GAPDH: variants seen among roughly 807,000 people sequenced by gnomAD.
GAPDH encodes glyceraldehyde-3-phosphate dehydrogenase, also known as OCAS, p38 component.
Under a neutral mutation model 31.2 loss-of-function variants are expected in GAPDH, and 13 were observed. That is an observed-to-expected ratio of 0.42 (90% CI 0.27 to 0.66). GAPDH has a LOEUF of 0.66. GAPDH is among the 30% of genes least tolerant of loss of function. The probability of loss-of-function intolerance (pLI) is 0.26; values close to 1 mark genes in which losing one functional copy is unlikely to be tolerated. For synonymous variants in GAPDH, 211 were observed against 166.9 expected (o/e 1.26, Z -2.04); for missense variants, 300 against 443.7 (o/e 0.68, Z 2.91).
At position 6,537,777 on chromosome 12, in the gene GAPDH, T is replaced by C; in HGVS notation, c.719T>C (p.Val240Ala). 6.2e-7 allele frequency: 1 copy of C among 1,611,828 alleles called. No individual in the cohort carries two copies. Residue 240 changes from valine (V) to alanine (A), a missense_variant, in exon 8 of 9, where the codon GTG (valine) becomes GCG (alanine). Coordinates refer to ENST00000229239, the MANE Select transcript of GAPDH (RefSeq NM_002046.7). This position sits in a 1 kb window ranked among gnomAD's most constrained non-coding sequence, Gnocchi z 4.9. ...GMAFRVPTANVSVVDLTCRLE... is the reference protein window; with the variant it reads ...GMAFRVPTANASVVDLTCRLE... ...GCCTTCCGTGTCCCCACTGCCAACGTGTCAGTGGTGGACCTGACCTGCCGT... is the reference window on the plus strand; with the variant it reads ...GCCTTCCGTGTCCCCACTGCCAACGCGTCAGTGGTGGACCTGACCTGCCGT...
rs1473113978 is a variant in GAPDH, at chr12:6,534,874, G to A, written c.29+13G>A. ...TCGGAGTCAACGGGTGAGTTCGCGG[G>A]TGGCTGGGGGGCCCTGGGCTGCGAC... On this transcript the variant is annotated intron_variant, in intron 2 of 8. Transcript: ENST00000229239. The A allele has an allele frequency of 1.2e-6, 2 of 1,612,670 alleles. No individual in the cohort carries two copies. Among genetic ancestry groups the A allele is most frequent in the East Asian group, 2.2e-5 (1 of 44,782 alleles).
In GAPDH at chr12:6,536,672, G is replaced by A. The variant is rs371258879; in HGVS notation, c.130-12G>A. 55 of 1,609,148 alleles carry A rather than the reference G, an allele frequency of 3.4e-5. No individual in the cohort carries two copies. The East Asian group carries it at 4.3e-4, about 12-fold the overall frequency. The stretch of plus-strand genomic sequence containing the variant: ...ATGGGCAGCCCCTTCATACCCTCAC[G>A]TATTCCCCCAGGTTTACATGTTCCA... On this transcript the variant is annotated splice_polypyrimidine_tract_variant and intron_variant, in intron 3 of 8. Transcript: ENST00000229239.
At position 6,537,558 on chromosome 12, in the gene GAPDH, G is replaced by C. The variant is rs543398946; in HGVS notation, c.526-26G>C. On this transcript the variant is annotated intron_variant, in intron 7 of 8. Coordinates refer to ENST00000229239, the MANE Select transcript of GAPDH (RefSeq NM_002046.7). The surrounding 1 kb of genome is among the most constrained non-coding windows in gnomAD (Gnocchi z 4.9). ...GGTAGAGGGGTGATGTGGGGAGTAC[G>C]CTGCAGGGCCTCACTCCTTTTGCAG... 84 of 1,601,692 alleles carry C rather than the reference G, an allele frequency of 5.2e-5. No individual in the cohort carries two copies. Among genetic ancestry groups the C allele is most frequent in the African/African-American group, 4.9e-4 (37 of 74,794 alleles).
chr12:6,534,965 A>G (rs1946428038), intron 2 of GAPDH, 104 bp downstream of exon 2: 1 of 1,285,446 alleles, frequency 7.8e-7, no homozygotes, highest in Admixed American at 1.9e-5. Context: ...GGGGCAGGGT[A>G]GCTGTTCCCC....
At chr12:6,535,035 G>A in intron 2 of GAPDH, 174 bp downstream of exon 2, 2 of 835,830 alleles carry the variant, frequency 2.4e-6, no homozygotes, top group Non-Finnish European at 3.6e-6. Flanking sequence ...AGGCTGTGGC[G>A]CCCTGTGCAG....
At position 6,538,328 on chromosome 12, in the gene GAPDH, G is replaced by C; in HGVS notation, c.*158G>C. On this transcript the variant is annotated 3_prime_UTR_variant, in exon 9 of 9. Coordinates refer to ENST00000229239, the MANE Select transcript of GAPDH (RefSeq NM_002046.7). ...GAAGAGGGGAGGGGCCTAGGGAGCCGCACCTTGTCATGTACCATCAATAAA... is the reference window on the plus strand; with the variant it reads ...GAAGAGGGGAGGGGCCTAGGGAGCCCCACCTTGTCATGTACCATCAATAAA... The C allele has an allele frequency of 1.6e-6, 1 of 636,696 alleles. No homozygotes were observed. Among genetic ancestry groups the C allele is most frequent in the Non-Finnish European group, 2.8e-6 (1 of 358,958 alleles). 39.4% of individuals were successfully genotyped at this position (636,696 alleles called of 1,614,324 possible).
In GAPDH at chr12:6,536,586, ACTACATGGTGAGTG is replaced by A. The variant is rs775048305; in HGVS notation, c.129+6_129+19del. 72 of 1,613,414 alleles carry A rather than the reference ACTACATGGTGAGTG, an allele frequency of 4.5e-5. No individual in the cohort carries two copies. Among genetic ancestry groups the A allele is most frequent in the African/African-American group, 1.7e-4 (13 of 74,994 alleles). On this transcript the variant is annotated splice_donor_variant and splice_donor_5th_base_variant and coding_sequence_variant and intron_variant, in exon 3 of 9. Coordinates refer to ENST00000229239, the MANE Select transcript of GAPDH (RefSeq NM_002046.7). LOFTEE classifies it high-confidence loss of function. ...ATCAATGACCCCTTCATTGACCTCA[ACTACATGGTGAGTG>A]CTACATGGTGAGCCCCAAAGCTGGT...
chr12:6,534,772 G>A, intron 1 of GAPDH, 38 bp from the exon 2 acceptor site: 1 of 1,581,036 alleles, frequency 6.3e-7, no homozygotes, highest in Non-Finnish European at 8.7e-7. Flanking sequence ...GTGTCGGCCG[G>A]GGCCACTAGG....
intron 2 of GAPDH, chr12:6,535,505 G>C (rs1458137902): frequency 1.1e-6 from 1 of 940,428 alleles, no homozygotes; most frequent in East Asian, 1.2e-4. Flanking sequence ...AGGTCCTCTT[G>C]TGTCCCCTCC....
intron 2 of GAPDH, among the ~76,000 whole-genome samples, chr12:6,535,726 G>T (rs1334705975): frequency 6.6e-6 from 1 of 152,172 alleles, no homozygotes; most frequent in Non-Finnish European, 1.5e-5. Flanking sequence ...GGGAGGATTG[G>T]GTGTCTGGGC....
chr12:6,535,515 C>A, intron 2 of GAPDH: 3 of 907,396 alleles, frequency 3.3e-6, no homozygotes, highest in Non-Finnish European at 4.0e-6. Context: ...GTGTCCCCTC[C>A]CCGCAGAGGT....
chr12:6,536,874 T>C (rs1946481379), intron 4 of GAPDH, 46 bp from the exon 5 acceptor site: 1 of 1,589,972 alleles, frequency 6.3e-7, no homozygotes, highest in Non-Finnish European at 8.6e-7. Flanking sequence ...GGTAACCTTG[T>C]GTCCCTCAAT....
rs754051138 is a variant in GAPDH at position 6,536,820 on chromosome 12, G to A, written c.236+30G>A. ...GTGGAAGACAGAATGGAAGAAATGT[G>A]CTTTGGGGAGGCAACTAGGATGGTG... On this transcript the variant is annotated intron_variant, in intron 4 of 8. Coordinates refer to ENST00000229239, the MANE Select transcript of GAPDH (RefSeq NM_002046.7). 6 of 1,601,214 alleles carry A rather than the reference G, an allele frequency of 3.7e-6. No individual in the cohort carries two copies. The Admixed American group carries it at 1.0e-4, about 27-fold the overall frequency.
Position 6,537,686 on chromosome 12 carries a change from T to A in GAPDH, c.628T>A (p.Ser210Thr). 1 of 1,611,640 alleles carries A rather than the reference T, an allele frequency of 6.2e-7. No homozygotes were observed. The highest frequency in any genetic ancestry group is 8.5e-7 in the Non-Finnish European group (1 of 1,179,862). The change falls in exon 8 of 9, where the codon TCT becomes ACT. Residue 210 changes from serine (S) to threonine (T), a missense_variant. Transcript: ENST00000229239. The surrounding 1 kb of genome is among the most constrained non-coding windows in gnomAD (Gnocchi z 4.9). ...GGCTCTCCAGAACATCATCCCTGCC[T>A]CTACTGGCGCTGCCAAGGCTGTGGG... is the stretch of plus-strand genomic sequence containing the variant. ...RGALQNIIPA[S>T]TGAAKAVGKV... is the part of the protein sequence containing the mutation.
Position 6,538,095 on chromosome 12 carries a change from T to A in GAPDH, c.939-6T>A, listed in dbSNP as rs187478503. 88 of 1,599,964 alleles carry A rather than the reference T, an allele frequency of 5.5e-5. No individual in the cohort carries two copies. In the East Asian group the frequency reaches 1.6e-3, roughly 28 times the overall value. ...AAGGGCCCTGACAACTCTTTTCATC[T>A]TCTAGGTATGACAACGAATTTGGCT... On this transcript the variant is annotated splice_polypyrimidine_tract_variant and splice_region_variant and intron_variant, in intron 8 of 8. Coordinates refer to ENST00000229239, the MANE Select transcript of GAPDH (RefSeq NM_002046.7).
chr12:6,535,098 A>C, intron 2 of GAPDH: 1 of 765,350 alleles, frequency 1.3e-6, no homozygotes. Flanking sequence ...AGTCCCCAGA[A>C]ACAGGAGGTC....
intron 2 of GAPDH, chr12:6,535,442 G>A: frequency 1.0e-6 from 1 of 987,746 alleles, no homozygotes; most frequent in Non-Finnish European, 1.2e-6. Flanking sequence ...TTCTCCTCCG[G>A]GTGATGCTTT....
At chr12:6,534,953 TG>T in intron 2 of GAPDH, 92 bp downstream of exon 2, 2 of 1,385,400 alleles carry the variant, frequency 1.4e-6, no homozygotes, top group East Asian at 2.3e-5. Context: ...TGCAGTCGTA[TG>T]GGGGCAGGGT....
At chr12:6,535,533 C>A in intron 2 of GAPDH, 1 of 816,548 alleles carries the variant, frequency 1.2e-6, no homozygotes, top group Non-Finnish European at 1.5e-6. Flanking sequence ...GGTGTGGTGG[C>A]TGTGGCATGG....
Sources: gnomAD v4.1 joint callset for allele counts (sites outside exome capture counted in the v4.1 genomes callset) on GRCh38, gnomAD v4.1.1 for gene constraint, Gnocchi (gnomAD v3.1) non-coding constraint, MANE v1.5 for transcripts, NCBI Gene and HGNC (gene_info 2026-07-23, HGNC 2026-07-21) for gene names.